SLC19A1: variants seen among roughly 807,000 people sequenced by gnomAD.
SLC19A1 encodes reduced folate transporter.
Under a neutral mutation model 35.3 loss-of-function variants are expected in SLC19A1, and 37 were observed. The ratio of observed to expected loss-of-function variants is 1.05; its 90% confidence interval spans 0.81 to 1.38. The LOEUF is 1.38. SLC19A1 is among the 40% of genes most tolerant of loss of function. The pLI is 0.00. For synonymous variants in SLC19A1, 460 were observed against 398.5 expected, an observed-to-expected ratio of 1.15 and a Z score of -1.84; for missense variants, 831 against 826.9, an observed-to-expected ratio of 1.00 and a Z score of -0.06.
downstream of SLC19A1, chr21:45,509,371 G>T: frequency 3.2e-6 from 5 of 1,544,122 alleles, no homozygotes; most frequent in Non-Finnish European, 4.4e-6. Context: ...TGAAGTGGCC[G>T]CCTTGCAGCC....
chr21:45,537,735 C>A, intron 2 of SLC19A1, 36 bp downstream of exon 2: 1 of 1,182,920 alleles, frequency 8.5e-7, no homozygotes, highest in Non-Finnish European at 1.1e-6. Context: ...CCCACCCACC[C>A]ACAGGCGGCC....
intron 1 of SLC19A1, among the ~76,000 whole-genome samples, 194 bp from the exon 2 acceptor site, chr21:45,538,202 TC>T (rs986228106): frequency 1.3e-5 from 2 of 151,870 alleles, no homozygotes; most frequent in African/African-American, 4.8e-5. Context: ...TGCTCCGGAG[TC>T]CCCCAGGCCA....
At chr21:45,516,656 A>T (rs189510789) in intron 5 of SLC19A1, among the ~76,000 whole-genome samples, 1 of 152,202 alleles carries the variant, frequency 6.6e-6, no homozygotes, top group African/African-American at 2.4e-5. Context: ...GACCAGAAGG[A>T]GCAGCACCAG....
At chr21:45,519,140 C>T (rs2077363234) in intron 5 of SLC19A1, among the ~76,000 whole-genome samples, 1 of 152,134 alleles carries the variant, frequency 6.6e-6, no homozygotes, top group African/African-American at 2.4e-5. Flanking sequence ...TTCACTCAAA[C>T]TTTATGTATT....
At chr21:45,556,984 G>C (rs945714497) in intron 1 of SLC19A1, among the ~76,000 whole-genome samples, 1 of 152,154 alleles carries the variant, frequency 6.6e-6, no homozygotes, top group East Asian at 1.9e-4. Context: ...TCCTGGGACG[G>C]CGCCTCAGAG....
chr21:45,530,744 C>G lies in SLC19A1; in HGVS notation c.1151+26G>C. ...CTTGATCCTGGCGCCTGCCCGCCCC[C>G]GGCTTCCCACCCTTCTGGAACTCAC... On this transcript the variant is annotated intron_variant, in intron 4 of 5. Transcript: ENST00000311124. The surrounding 1 kb of genome is among the most constrained non-coding windows in gnomAD (Gnocchi z 5.3). The G allele has an allele frequency of 6.5e-7, 1 of 1,546,268 alleles. No individual in the cohort carries two copies. The highest frequency in any genetic ancestry group is 8.7e-7 in the Non-Finnish European group (1 of 1,144,738).
Position 45,531,834 on chromosome 21 carries a change from G to C in SLC19A1, c.504C>G (p.Ser168=), listed in dbSNP as rs763544507. The C allele has an allele frequency of 6.7e-5, 106 of 1,587,408 alleles. 1 individual carries two copies. The highest frequency in any genetic ancestry group is 8.2e-5 in the Non-Finnish European group (96 of 1,167,572). Residue 168 remains serine, a synonymous_variant, in exon 3 of 6, where the codon TCC becomes TCG. Coordinates refer to ENST00000311124, the MANE Select transcript of SLC19A1 (RefSeq NM_194255.4). ...AAVLLGVFTS[S]VLGQLLVTVG... is the part of the protein sequence containing the mutation. The stretch of plus-strand genomic sequence containing the variant: ...CAGTGACCAGCAGCTGGCCCAGCAC[G>C]GAGCTGGTGAACACGCCCAGCAGCA...
At chr21:45,548,834 C>G (rs2078438197), upstream of SLC19A1, among the ~76,000 whole-genome samples, 1 of 152,066 alleles carries the variant, frequency 6.6e-6, no homozygotes, top group African/African-American at 2.4e-5. Context: ...TATCATAATC[C>G]TTTGTCATTA....
chr21:45,505,459 C>T (rs1365994765), intron 3 of SLC19A1: 4 of 1,271,794 alleles, frequency 3.1e-6, no homozygotes, highest in East Asian at 2.4e-5. Flanking sequence ...CGGCTGGGCA[C>T]CTGCGTCCCG....
chr21:45,521,992 T>TA (rs1175626165), intron 5 of SLC19A1, among the ~76,000 whole-genome samples: 2 of 151,822 alleles, frequency 1.3e-5, no homozygotes, highest in African/African-American at 2.4e-5. Flanking sequence ...TCATGGGAGT[T>TA]AAAAAACACT....
intron 3 of SLC19A1, chr21:45,505,114 T>G: frequency 6.2e-7 from 1 of 1,605,380 alleles, no homozygotes; most frequent in Non-Finnish European, 8.5e-7. Flanking sequence ...CCAGGAAGCG[T>G]CTCTTGTCGC....
chr21:45,538,109 C>A, intron 1 of SLC19A1, 101 bp from the exon 2 acceptor site: 2 of 627,118 alleles, frequency 3.2e-6, no homozygotes, highest in Non-Finnish European at 5.3e-6. Context: ...CACTCAGGAC[C>A]AAACGCCACC....
chr21:45,561,078 G>A (rs185958666), intron 1 of SLC19A1, among the ~76,000 whole-genome samples: 2 of 152,312 alleles, frequency 1.3e-5, no homozygotes, highest in East Asian at 3.9e-4. Flanking sequence ...CCTGCCTTGC[G>A]AACCACAGTA....
upstream of SLC19A1, among the ~76,000 whole-genome samples, chr21:45,543,278 G>T (rs16979529): frequency 9.2e-5 from 14 of 152,334 alleles, 1 homozygote; most frequent in East Asian, 2.7e-3. Flanking sequence ...GAAGTGGGGG[G>T]CCTCAGGGTC....
chr21:45,542,465 C>G (rs2146466453), upstream of SLC19A1: 1 of 150,996 alleles, frequency 6.6e-6, no homozygotes, highest in Non-Finnish European at 1.5e-5. Context: ...GCGGCGGGCG[C>G]GCGGCTGCGG....
At chr21:45,509,935 G>T, downstream of SLC19A1, 1 of 1,081,420 alleles carries the variant, frequency 9.2e-7, no homozygotes, top group Non-Finnish European at 1.3e-6. Context: ...TGTGTCACTT[G>T]CGCGCCTCCC....
downstream of SLC19A1, chr21:45,512,426 A>G (rs763048575): frequency 2.5e-6 from 4 of 1,604,000 alleles, no homozygotes; most frequent in East Asian, 6.7e-5. Context: ...ATGGCCGGAG[A>G]GGACCGGCGG....
At chr21:45,557,267 C>T (rs546137357) in intron 1 of SLC19A1, among the ~76,000 whole-genome samples, 99 of 152,304 alleles carry the variant, frequency 6.5e-4, no homozygotes, top group Non-Finnish European at 6.5e-4. Context: ...GACAGCGGCC[C>T]GGGAGATGGG....
At chr21:45,509,857 G>T (rs1199309339), downstream of SLC19A1, among the ~76,000 whole-genome samples, 1 of 152,194 alleles carries the variant, frequency 6.6e-6, no homozygotes, top group Non-Finnish European at 1.5e-5. Flanking sequence ...CGGCAGCTGG[G>T]GGCACCCACG....
Sources: gnomAD v4.1 joint callset for allele counts (sites outside exome capture counted in the v4.1 genomes callset) on GRCh38, gnomAD v4.1.1 for gene constraint, Gnocchi (gnomAD v3.1) non-coding constraint, MANE v1.5 for transcripts, NCBI Gene and HGNC (gene_info 2026-07-23, HGNC 2026-07-21) for gene names.